MRAP2: variants seen among roughly 807,000 people sequenced by gnomAD.
The protein encoded by MRAP2 is melanocortin-2 receptor accessory protein 2.
Under a neutral mutation model 17.4 loss-of-function variants are expected in MRAP2, and 20 were observed. That is an observed-to-expected ratio of 1.15 (90% CI 0.81 to 1.67). The LOEUF (loss-of-function observed/expected upper bound fraction) is 1.67. Among genes scored for constraint, MRAP2 ranks in the 40% most tolerant of loss-of-function variants. The pLI is 0.00. For synonymous variants in MRAP2, 96 were observed against 88.4 expected (o/e 1.09, Z -0.48); for missense variants, 238 against 240.0 (o/e 0.99, Z 0.05).
At chr6:84,146,012 G>A in the MRAP2 span, among the ~76,000 whole-genome samples, 3 of 152,074 alleles carry the variant, frequency 2.0e-5, no homozygotes, top group Admixed American at 2.0e-4. Flanking sequence ...CTCCTGAAAT[G>A]AGACACAACT....
At chr6:84,135,459 T>C in the MRAP2 span, among the ~76,000 whole-genome samples, 10 of 152,216 alleles carry the variant, frequency 6.6e-5, no homozygotes, top group African/African-American at 2.4e-4. Context: ...GACAGACTGC[T>C]TCCCAGAGAA....
chr6:84,067,730 G>GTTTTTT (rs57643473), intron 3 of MRAP2, among the ~76,000 whole-genome samples: 2 of 125,630 alleles, frequency 1.6e-5, no homozygotes, highest in Non-Finnish European at 3.4e-5. Flanking sequence ...GGATGGAATT[G>GTTTTTT]TTTTTTTTTT....
chr6:84,066,836 AT>A (rs2099494833), intron 3 of MRAP2, among the ~76,000 whole-genome samples: 2 of 152,154 alleles, frequency 1.3e-5, no homozygotes, highest in African/African-American at 2.4e-5. Flanking sequence ...CAGATTGGCA[AT>A]TTTTAATCTC....
intron 2 of MRAP2, among the ~76,000 whole-genome samples, chr6:84,061,431 C>T (rs572585121): frequency 2.0e-5 from 3 of 152,276 alleles, no homozygotes; most frequent in Admixed American, 6.5e-5. Context: ...CCAATCTAAC[C>T]CTGGTCCTAG....
At chr6:84,065,047 G>T (rs2099494284) in intron 3 of MRAP2, among the ~76,000 whole-genome samples, 1 of 152,178 alleles carries the variant, frequency 6.6e-6, no homozygotes. Context: ...CAGTTCTGGA[G>T]GTCGAAGTGA....
At chr6:84,128,554 T>C in the MRAP2 span, among the ~76,000 whole-genome samples, 6 of 152,164 alleles carry the variant, frequency 3.9e-5, no homozygotes, top group African/African-American at 9.7e-5. Flanking sequence ...AGCCACCATA[T>C]AGAAGTTATT....
At chr6:84,146,119 T>C in the MRAP2 span, among the ~76,000 whole-genome samples, 1 of 152,096 alleles carries the variant, frequency 6.6e-6, no homozygotes, top group African/African-American at 2.4e-5. Flanking sequence ...CAATCTATGT[T>C]TTCCTCTTCC....
At chr6:84,071,852 A>G (rs571950848) in intron 3 of MRAP2, among the ~76,000 whole-genome samples, 2 of 152,182 alleles carry the variant, frequency 1.3e-5, no homozygotes, top group East Asian at 3.9e-4. Flanking sequence ...TCTTTCTTCT[A>G]CTTGTTCAAT....
the MRAP2 span, among the ~76,000 whole-genome samples, chr6:84,145,937 T>C: frequency 6.6e-6 from 1 of 152,286 alleles, no homozygotes; most frequent in East Asian, 1.9e-4. Flanking sequence ...TTTGTTTCCA[T>C]AGAAATGCCT....
At chr6:84,131,526 G>C in the MRAP2 span, among the ~76,000 whole-genome samples, 1 of 152,142 alleles carries the variant, frequency 6.6e-6, no homozygotes, top group Admixed American at 6.5e-5. Flanking sequence ...GAATCTGGGT[G>C]CTCCTGCATT....
At position 84,050,732 on chromosome 6, in the gene MRAP2, C is replaced by A. The variant is rs540764651; in HGVS notation, c.-7-4580C>A. On this transcript the variant is annotated intron_variant, in intron 1 of 3. Transcript: ENST00000257776. ...GGATAAGAACAGGTAACTGAAAAGA[C>A]CTTTCTGGCCTGGGCCAGATCAGAG... Among the ~76,000 whole-genome samples the A allele has an allele frequency of 4.6e-5, 7 of 152,340 alleles. No individual in the cohort carries two copies. In the South Asian group the frequency reaches 1.4e-3, roughly 32 times the overall value.
At chr6:84,113,719 G>T in the MRAP2 span, among the ~76,000 whole-genome samples, 1 of 152,144 alleles carries the variant, frequency 6.6e-6, no homozygotes, top group Admixed American at 6.6e-5. Context: ...GCAGTGGCTG[G>T]TACTGGTTGT....
chr6:84,105,509 C>A, the MRAP2 span, among the ~76,000 whole-genome samples: 3 of 152,132 alleles, frequency 2.0e-5, no homozygotes, highest in Non-Finnish European at 2.9e-5. Flanking sequence ...GAAAGACTTG[C>A]CCCCATGATT....
At chr6:84,104,698 C>T in the MRAP2 span, among the ~76,000 whole-genome samples, 1,010 of 152,146 alleles carry the variant, frequency 6.6e-3, 7 homozygotes, top group African/African-American at 0.023. Context: ...GAAACCCTGT[C>T]TCTACTAAAA....
At chr6:84,064,539 G>A (rs867873660) in intron 3 of MRAP2, among the ~76,000 whole-genome samples, 2 of 152,152 alleles carry the variant, frequency 1.3e-5, no homozygotes, top group African/African-American at 4.8e-5. Context: ...CCAGGCTGGA[G>A]TGCAGTGGCG....
chr6:84,042,345 A>G (rs754753323), intron 1 of MRAP2, among the ~76,000 whole-genome samples: 28 of 152,184 alleles, frequency 1.8e-4, no homozygotes, highest in Non-Finnish European at 3.8e-4. Context: ...AATGGACTAA[A>G]AACTTCCACT....
chr6:84,074,432 T>C (rs2099497075), intron 3 of MRAP2, among the ~76,000 whole-genome samples: 1 of 152,234 alleles, frequency 6.6e-6, no homozygotes, highest in South Asian at 2.1e-4. Flanking sequence ...TTAAGATACC[T>C]GAGTAAGTCT....
chr6:84,099,963 C>T, the MRAP2 span, among the ~76,000 whole-genome samples: 106 of 151,804 alleles, frequency 7.0e-4, no homozygotes, highest in African/African-American at 2.4e-3. Context: ...TGGGTTCAAG[C>T]GATTCTCCCG....
chr6:84,136,423 T>C, the MRAP2 span, among the ~76,000 whole-genome samples: 9 of 152,310 alleles, frequency 5.9e-5, no homozygotes, highest in South Asian at 1.0e-3. Context: ...CCACTGAACT[T>C]ATTCTTCTAT....
Sources: allele counts gnomAD v4.1 joint callset (sites outside exome capture counted in the v4.1 genomes callset), GRCh38; gene constraint gnomAD v4.1.1; transcripts MANE v1.5; gene names NCBI Gene and HGNC (gene_info 2026-07-23, HGNC 2026-07-21).